The following CARS1 variants were observed in gnomAD, a reference collection of about 807,000 sequenced individuals.
The protein encoded by CARS1 is cysteinyl-tRNA synthetase 1.
CARS1 carries 48 observed loss-of-function variants against 106.2 expected under a neutral mutation model. That is an observed-to-expected ratio of 0.45 (90% CI 0.36 to 0.57). The LOEUF (loss-of-function observed/expected upper bound fraction) is 0.57, where lower values mean the gene tolerates loss of function less well. Ranked by LOEUF, CARS1 falls within the 20% of genes least tolerant of loss-of-function variation. The pLI is 0.00. For missense variants in CARS1, 968 were observed against 1,057.2 expected (o/e 0.92, Z 1.17); for synonymous variants, 409 against 403.4 (o/e 1.01, Z -0.17).
intron 18 of CARS1, among the ~76,000 whole-genome samples, chr11:3,011,570 C>A (rs1038027947): frequency 2.0e-5 from 3 of 152,130 alleles, no homozygotes; most frequent in African/African-American, 7.2e-5. Context: ...GCCGAGATCG[C>A]GCCACTGCAC....
chr11:3,017,667 T>C lies in CARS1; in HGVS notation c.1727+190A>G. The C allele has an allele frequency of 1.7e-6, 1 of 571,656 alleles. No homozygotes were observed. Among genetic ancestry groups the C allele is most frequent in the Non-Finnish European group, 3.1e-6 (1 of 323,812 alleles). 35.4% of individuals were successfully genotyped at this position (571,656 alleles called of 1,614,324 possible). A position where few individuals can be genotyped will look rare whatever the true frequency, so the allele number is the denominator to read the frequency against. On this transcript the variant is annotated intron_variant, in intron 15 of 22. Transcript: ENST00000380525. This position sits in a 1 kb window ranked among gnomAD's most constrained non-coding sequence, Gnocchi z 4.9. ...TCAAAAAGAAAAAACAAAAAAGAAA[T>C]TCTCCATGCACTTCAACACCCAGAG...
At chr11:3,056,471 T>C (rs1171890739) in intron 1 of CARS1, among the ~76,000 whole-genome samples, 6 of 152,234 alleles carry the variant, frequency 3.9e-5, no homozygotes, top group African/African-American at 1.4e-4. Context: ...TACCCGCTGG[T>C]GACATGAGTG....
intron 1 of CARS1, among the ~76,000 whole-genome samples, chr11:3,049,990 G>A (rs540307923): frequency 6.6e-6 from 1 of 152,348 alleles, no homozygotes; most frequent in South Asian, 2.1e-4. Context: ...CAGCAAAGAT[G>A]AGTCAGAATG....
In CARS1 at chr11:3,017,977, A is replaced by G. The variant is rs1289165672; in HGVS notation, c.1630-23T>C. 4 of 1,537,454 alleles carry G rather than the reference A, an allele frequency of 2.6e-6. No homozygotes were observed. The highest frequency in any genetic ancestry group is 3.6e-6 in the Non-Finnish European group (4 of 1,112,814). On this transcript the variant is annotated intron_variant, in intron 14 of 22. Coordinates refer to ENST00000380525, the MANE Select transcript of CARS1 (RefSeq NM_001014437.3). This position sits in a 1 kb window ranked among gnomAD's most constrained non-coding sequence, Gnocchi z 4.9. ...CTCCTGAAGTTAGAAAAATCAGTTT[A>G]ACAGCATTTAGGCAACTTTTCCATC...
chr11:3,015,667 C>G (rs988305307), intron 17 of CARS1, 114 bp downstream of exon 17: 5 of 917,174 alleles, frequency 5.5e-6, no homozygotes, highest in Non-Finnish European at 9.1e-6. Flanking sequence ...AGGCGCTGTC[C>G]GGAAGGGTCT....
At chr11:3,055,567 C>G (rs1856121151) in intron 1 of CARS1, among the ~76,000 whole-genome samples, 1 of 152,234 alleles carries the variant, frequency 6.6e-6, no homozygotes, top group South Asian at 2.1e-4. Context: ...TGTGCGCAGG[C>G]TGAGGACTGG....
intron 1 of CARS1, among the ~76,000 whole-genome samples, chr11:3,054,312 T>A (rs1564800694): frequency 6.6e-6 from 1 of 152,162 alleles, no homozygotes; most frequent in Non-Finnish European, 1.5e-5. Flanking sequence ...ATTAGGGGCA[T>A]CCAACATCCC....
chr11:3,052,183 T>C lies in CARS1; in HGVS notation c.26-4182A>G, dbSNP rs1178305059. Reference sequence around the variant, plus strand: ...AGCAGTCTGGGAACTGAAGCCGCTGTGTATCCGCTCTCTGGAGACCTGAGG... The same window carrying C: ...AGCAGTCTGGGAACTGAAGCCGCTGCGTATCCGCTCTCTGGAGACCTGAGG... On this transcript the variant is annotated intron_variant, in intron 1 of 22. Coordinates refer to ENST00000380525, the MANE Select transcript of CARS1 (RefSeq NM_001014437.3). This position sits in a 1 kb window ranked among gnomAD's most constrained non-coding sequence, Gnocchi z 4.6. Among the ~76,000 whole-genome samples, 1 of 152,278 alleles carries C rather than the reference T, an allele frequency of 6.6e-6. No individual in the cohort carries two copies. The highest frequency in any genetic ancestry group is 2.4e-5 in the African/African-American group (1 of 41,474).
Position 3,039,791 on chromosome 11 carries a change from C to T in CARS1, c.552+44G>A. 3.0e-6 allele frequency: 3 copies of T among 984,622 alleles called. No homozygotes were observed. The highest frequency in any genetic ancestry group is 4.6e-6 in the Non-Finnish European group (3 of 646,356). 61.0% of individuals were successfully genotyped at this position (984,622 alleles called of 1,614,324 possible). A position where few individuals can be genotyped will look rare whatever the true frequency, so the allele number is the denominator to read the frequency against. On this transcript the variant is annotated intron_variant, in intron 5 of 22. Transcript: ENST00000380525. This position sits in a 1 kb window ranked among gnomAD's most constrained non-coding sequence, Gnocchi z 5.6. ...TGCGAAAGTTCTATCTTCTTTTACA[C>T]CATCCAATTGCATTTAAAATTTAAT... is the stretch of plus-strand genomic sequence containing the variant.
rs1365611236 is a variant in CARS1, at chr11:3,034,409, C to T, written c.801+3641G>A. The stretch of plus-strand genomic sequence containing the variant: ...CTAATTTTTGTATTTTTAGTAGCAA[C>T]GGGGTTTTGCCATGTTGGCCAGGCT... On this transcript the variant is annotated intron_variant, in intron 7 of 22. Coordinates refer to ENST00000380525, the MANE Select transcript of CARS1 (RefSeq NM_001014437.3). The surrounding 1 kb of genome is among the most constrained non-coding windows in gnomAD (Gnocchi z 6.3). Among the ~76,000 whole-genome samples, 1 of 151,780 alleles carries T rather than the reference C, an allele frequency of 6.6e-6. No individual in the cohort carries two copies. Among genetic ancestry groups the T allele is most frequent in the African/African-American group, 2.4e-5 (1 of 41,296 alleles).
rs377345609 is a variant in CARS1, at chr11:3,044,877, C to A, written c.275-2621G>T. ...GGGAAGCCAGGAAGTGGCAAGCAGT[C>A]TGCCTACAACACACCAGATGCAGAT... On this transcript the variant is annotated intron_variant, in intron 2 of 22. Transcript: ENST00000380525. The surrounding 1 kb of genome is among the most constrained non-coding windows in gnomAD (Gnocchi z 4.4). Among the ~76,000 whole-genome samples, 25 of 152,254 alleles carry A rather than the reference C, an allele frequency of 1.6e-4. No individual in the cohort carries two copies. The highest frequency in any genetic ancestry group is 5.5e-4 in the African/African-American group (23 of 41,548).
chr11:3,043,480 G>A lies in CARS1; in HGVS notation c.275-1224C>T, dbSNP rs900233515. 1.3e-5 allele frequency among the ~76,000 whole-genome samples: 2 copies of A among 151,620 alleles called. No homozygotes were observed. The highest frequency in any genetic ancestry group is 1.3e-4 in the Admixed American group (2 of 15,184). ...TGCTGGGCACCTCTGACCCCAGCTG[G>A]TGCCTGGCCCTGGGAAGGGCTTCAC... On this transcript the variant is annotated intron_variant, in intron 2 of 22. Transcript: ENST00000380525. The surrounding 1 kb of genome is among the most constrained non-coding windows in gnomAD (Gnocchi z 4.0).
At chr11:3,056,275 C>G (rs1209916923) in intron 1 of CARS1, among the ~76,000 whole-genome samples, 2 of 152,204 alleles carry the variant, frequency 1.3e-5, no homozygotes, top group African/African-American at 2.4e-5. Context: ...AGGTGTCTTA[C>G]AAGAACTTGC....
Position 3,004,615 on chromosome 11 carries a change from C to CA in CARS1, c.2217+750dup, listed in dbSNP as rs1358610010. Among the ~76,000 whole-genome samples the CA allele has an allele frequency of 6.6e-6, 1 of 152,238 alleles. No homozygotes were observed. Among genetic ancestry groups the CA allele is most frequent in the Non-Finnish European group, 1.5e-5 (1 of 68,038 alleles). ...CTGCTGCCTGCATCCCAGGGTACCC[C>CA]ATGCGCTGTGCCCAGAGATTCTGAC... On this transcript the variant is annotated intron_variant, in intron 20 of 22. Transcript: ENST00000380525. This position sits in a 1 kb window ranked among gnomAD's most constrained non-coding sequence, Gnocchi z 5.2.
At chr11:3,014,702 C>T (rs1850819211) in intron 17 of CARS1, among the ~76,000 whole-genome samples, 1 of 152,202 alleles carries the variant, frequency 6.6e-6, no homozygotes, top group Non-Finnish European at 1.5e-5. Flanking sequence ...CTCAAAAATA[C>T]CACACCAACT....
intron 1 of CARS1, among the ~76,000 whole-genome samples, chr11:3,056,115 T>G (rs1424777952): frequency 6.6e-6 from 1 of 151,992 alleles, no homozygotes; most frequent in African/African-American, 2.4e-5. Flanking sequence ...GGCACAAGAG[T>G]GTAGCCCTGT....
Position 3,030,410 on chromosome 11 carries a change from C to T in CARS1, c.802-967G>A, listed in dbSNP as rs531263717. On this transcript the variant is annotated intron_variant, in intron 7 of 22. Coordinates refer to ENST00000380525, the MANE Select transcript of CARS1 (RefSeq NM_001014437.3). The surrounding 1 kb of genome is among the most constrained non-coding windows in gnomAD (Gnocchi z 5.7). ...CAAGGCACGTCTGCAGGAATGAGCA[C>T]ACCCTCCCCACCGCGGCAGGGCATC... is the stretch of plus-strand genomic sequence containing the variant. 3.3e-5 allele frequency: 5 copies of T among 152,338 alleles called. No individual in the cohort carries two copies. In the East Asian group the frequency reaches 9.7e-4, roughly 29 times the overall value. The allele number at this position is 152,338 out of a possible 1,614,324, so 9.4% of individuals were successfully genotyped here.
chr11:3,042,172 C>G lies in CARS1; in HGVS notation c.359G>C (p.Arg120Thr). The G allele has an allele frequency of 6.2e-7, 1 of 1,613,514 alleles. No individual in the cohort carries two copies. The highest frequency in any genetic ancestry group is 8.5e-7 in the Non-Finnish European group (1 of 1,179,568). Reference sequence around the variant, plus strand: ...CATCTGTGTTCTCCTTACCTTGTTCCTGGTGAGGCTGTTGTAAAGGTGGAG... The same window carrying G: ...CATCTGTGTTCTCCTTACCTTGTTCGTGGTGAGGCTGTTGTAAAGGTGGAG... ...CRLHLYNSLT[R>T]NKEVFIPQDG... is the part of the protein sequence containing the mutation. Residue 120 changes from arginine to threonine, a missense_variant, in exon 3 of 23, where the codon AGG becomes ACG. Arg to Thr is a moderately conservative substitution (Grantham distance 71). Coordinates refer to ENST00000380525, the MANE Select transcript of CARS1 (RefSeq NM_001014437.3).
chr11:3,023,949 G>C (rs1203285718), intron 10 of CARS1, among the ~76,000 whole-genome samples: 1 of 151,968 alleles, frequency 6.6e-6, no homozygotes, highest in East Asian at 1.9e-4. Context: ...TTGGAGTGCA[G>C]TGGCACGCTC....
Sources: allele counts gnomAD v4.1 joint callset (sites outside exome capture counted in the v4.1 genomes callset), GRCh38; gene constraint gnomAD v4.1.1; non-coding constraint Gnocchi (gnomAD v3.1); transcripts MANE v1.5; gene names NCBI Gene and HGNC (gene_info 2026-07-23, HGNC 2026-07-21).